Variants in CUL1 observed in about 807,000 individuals in gnomAD.
CUL1 encodes the protein cullin-1.
In CUL1, 24 loss-of-function variants were observed where a neutral mutation model predicts 118.0. The observed-to-expected ratio is 0.20, with a 90% CI of 0.15 to 0.29. The LOEUF is 0.29. CUL1 is among the 10% of genes least tolerant of loss of function. The probability of loss-of-function intolerance (pLI) is 1.00; values close to 1 mark genes in which losing one functional copy is unlikely to be tolerated. For missense variants in CUL1, 361 were observed against 933.8 expected, an observed-to-expected ratio of 0.39 and a Z score of 7.99; for synonymous variants, 332 against 340.4, an observed-to-expected ratio of 0.98 and a Z score of 0.27.
At chr7:148,761,158 T>C (rs1799814258) in intron 7 of CUL1, among the ~76,000 whole-genome samples, 1 of 152,130 alleles carries the variant, frequency 6.6e-6, no homozygotes, top group African/African-American at 2.4e-5. Flanking sequence ...TGAGTAACCA[T>C]GGCCCGCTGA....
chr7:148,784,148 C>A, intron 11 of CUL1, 71 bp downstream of exon 11: 1 of 1,200,766 alleles, frequency 8.3e-7, no homozygotes, highest in Non-Finnish European at 1.2e-6. Context: ...GAATTAAAAC[C>A]TACATTACAT....
At chr7:148,738,413 G>A (rs1188854471) in intron 2 of CUL1, among the ~76,000 whole-genome samples, 1 of 152,138 alleles carries the variant, frequency 6.6e-6, no homozygotes, top group East Asian at 1.9e-4. Flanking sequence ...GCATGCCTTG[G>A]CAGACAACGT....
chr7:148,797,711 T>C, intron 17 of CUL1, 101 bp from the exon 18 acceptor site: 1 of 873,040 alleles, frequency 1.1e-6, no homozygotes, highest in Non-Finnish European at 1.8e-6. Context: ...GATTTTTTTT[T>C]TTTTTTTTAA....
At chr7:148,790,789 A>G (rs1800975730) in intron 16 of CUL1, among the ~76,000 whole-genome samples, 1 of 152,226 alleles carries the variant, frequency 6.6e-6, no homozygotes, top group African/African-American at 2.4e-5. Flanking sequence ...TGACTTCAAA[A>G]GCTGGAGTTG....
At chr7:148,762,974 C>T (rs1177208439) in intron 7 of CUL1, among the ~76,000 whole-genome samples, 1 of 152,164 alleles carries the variant, frequency 6.6e-6, no homozygotes, top group Non-Finnish European at 1.5e-5. Context: ...TGGTGAAACC[C>T]TCTCTCTAAT....
intron 19 of CUL1, 34 bp downstream of exon 19, chr7:148,798,053 C>T (rs1460210976): frequency 2.3e-6 from 3 of 1,287,966 alleles, no homozygotes; most frequent in African/African-American, 1.5e-5. Context: ...TGGCCCTTGA[C>T]CATAGACACG....
intron 2 of CUL1, among the ~76,000 whole-genome samples, chr7:148,730,814 A>G (rs986525458): frequency 4.6e-5 from 7 of 151,962 alleles, no homozygotes; most frequent in Non-Finnish European, 7.4e-5. Context: ...TTATGGCCCT[A>G]TTTTTTTGTG....
At chr7:148,734,927 C>G (rs990223168) in intron 2 of CUL1, among the ~76,000 whole-genome samples, 12 of 152,068 alleles carry the variant, frequency 7.9e-5, no homozygotes, top group African/African-American at 2.9e-4. Flanking sequence ...TTTTTTCTCT[C>G]TACCTGAATA....
At chr7:148,783,758 G>T (rs768817272) in intron 9 of CUL1, 25 bp from the exon 10 acceptor site, 1 of 1,610,994 alleles carries the variant, frequency 6.2e-7, no homozygotes, top group Non-Finnish European at 8.5e-7. Flanking sequence ...ACCAACTTTT[G>T]TTTCTATTTC....
chr7:148,799,444 G>A (rs1801316125), intron 21 of CUL1, 56 bp downstream of exon 21: 7 of 1,185,942 alleles, frequency 5.9e-6, no homozygotes, highest in Admixed American at 5.7e-5. Context: ...GATAAAAGAT[G>A]TAGCAAAAAG....
At chr7:148,717,440 C>T (rs1798249673) in intron 1 of CUL1, among the ~76,000 whole-genome samples, 1 of 152,130 alleles carries the variant, frequency 6.6e-6, no homozygotes, top group Non-Finnish European at 1.5e-5. Context: ...GAGCCTTTGT[C>T]ATCCTGAATT....
intron 1 of CUL1, among the ~76,000 whole-genome samples, chr7:148,712,915 A>AT (rs1278017668): frequency 1.3e-5 from 2 of 152,188 alleles, no homozygotes; most frequent in East Asian, 1.9e-4. Flanking sequence ...TTAGTAAAAT[A>AT]TTTTTTGTGG....
In CUL1 at chr7:148,781,079, A is replaced by ATTT. The variant is rs1197920664; in HGVS notation, c.1084-2684_1084-2682dup. Among the ~76,000 whole-genome samples the ATTT allele has an allele frequency of 3.0e-4, 28 of 93,726 alleles. 11 individuals carry two copies. The highest frequency in any genetic ancestry group is 0.017 in the Middle Eastern group (2 of 116). The allele number at this position is 93,726 out of a possible 152,430, so 61.5% of individuals were successfully genotyped here. A position where few individuals can be genotyped will look rare whatever the true frequency, so the allele number is the denominator to read the frequency against. The stretch of plus-strand genomic sequence containing the variant: ...GCTAAATTCACATTTTCAAGGCCAG[A>ATTT]TTTTTTTTTTTTTTTTTTTTTTGAC... On this transcript the variant is annotated intron_variant, in intron 9 of 21. Transcript: ENST00000325222.
intron 2 of CUL1, among the ~76,000 whole-genome samples, chr7:148,738,988 G>T (rs1027123811): frequency 6.6e-6 from 1 of 152,188 alleles, no homozygotes; most frequent in Non-Finnish European, 1.5e-5. Flanking sequence ...AGCAGCAGGA[G>T]CCCAGGCATA....
chr7:148,717,315 C>A (rs1031851991), intron 1 of CUL1, among the ~76,000 whole-genome samples: 1 of 152,106 alleles, frequency 6.6e-6, no homozygotes, highest in Non-Finnish European at 1.5e-5. Flanking sequence ...CCTGAGCCTT[C>A]CAAAGTGCTA....
chr7:148,768,910 A>G (rs1469834213), intron 9 of CUL1, among the ~76,000 whole-genome samples: 3 of 152,188 alleles, frequency 2.0e-5, no homozygotes, highest in Non-Finnish European at 4.4e-5. Flanking sequence ...AGGGTTGAGT[A>G]TAAAGCTTTC....
intron 17 of CUL1, 51 bp from the exon 18 acceptor site, chr7:148,797,760 CA>C: frequency 6.9e-7 from 1 of 1,440,266 alleles, no homozygotes; most frequent in African/African-American, 1.4e-5. Context: ...GTGGTTATTG[CA>C]AAGAAAAATG....
At chr7:148,733,857 G>GT (rs766321594) in intron 2 of CUL1, among the ~76,000 whole-genome samples, 129 of 151,928 alleles carry the variant, frequency 8.5e-4, no homozygotes, top group African/African-American at 2.7e-3. Context: ...AAAATTGTGT[G>GT]TTTTTTTTAG....
chr7:148,765,182 G>C (rs1269370128), intron 7 of CUL1, among the ~76,000 whole-genome samples: 2 of 152,156 alleles, frequency 1.3e-5, no homozygotes, highest in Non-Finnish European at 1.5e-5. Flanking sequence ...ATAAGGTTCT[G>C]ACTTACGTGG....
Sources: allele counts gnomAD v4.1 joint callset (sites outside exome capture counted in the v4.1 genomes callset), GRCh38; gene constraint gnomAD v4.1.1; transcripts MANE v1.5; gene names NCBI Gene and HGNC (gene_info 2026-07-23, HGNC 2026-07-21).